CDH17: variants seen among roughly 807,000 people sequenced by gnomAD.
The protein encoded by CDH17 is cadherin-17.
A neutral mutation model predicts 86.3 loss-of-function variants in CDH17; 67 were observed. The observed-to-expected ratio is 0.78, with a 90% CI of 0.64 to 0.95. The LOEUF (loss-of-function observed/expected upper bound fraction) is 0.95, where lower values mean the gene tolerates loss of function less well. Among genes scored for constraint, CDH17 ranks in the 40% least tolerant of loss-of-function variants. The pLI, the probability that CDH17 is intolerant of heterozygous loss-of-function variation, is 0.00. For synonymous variants in CDH17, 367 were observed against 366.4 expected, an observed-to-expected ratio of 1.00 and a Z score of -0.02; for missense variants, 993 against 1,017.6, an observed-to-expected ratio of 0.98 and a Z score of 0.33.
chr8:94,155,189 C>T (rs947224083), intron 12 of CDH17, among the ~76,000 whole-genome samples: 4 of 152,040 alleles, frequency 2.6e-5, no homozygotes, highest in Admixed American at 6.6e-5. Context: ...GCCTGGCCCT[C>T]GTCGACCTCG....
In CDH17 at chr8:94,127,214, C is replaced by A. The variant is rs546278301; in HGVS notation, c.*1026G>T. 2 of 152,346 alleles carry A rather than the reference C, an allele frequency of 1.3e-5. No homozygotes were observed. Among genetic ancestry groups the A allele is most frequent in the South Asian group, 4.1e-4 (2 of 4,830 alleles). The allele number at this position is 152,346 out of a possible 1,614,324, so 9.4% of individuals were successfully genotyped here. A position where few individuals can be genotyped will look rare whatever the true frequency, so the allele number is the denominator to read the frequency against. On this transcript the variant is annotated 3_prime_UTR_variant, in exon 18 of 18. Coordinates refer to ENST00000027335, the MANE Select transcript of CDH17 (RefSeq NM_004063.4). ...TGTTTATTCTTGATTTGTCACCACTCTTTTCATGTCTTGTTTTCTTCCACA... is the reference window on the plus strand; with the variant it reads ...TGTTTATTCTTGATTTGTCACCACTATTTTCATGTCTTGTTTTCTTCCACA...
chr8:94,166,274 G>A (rs937832158), intron 9 of CDH17, among the ~76,000 whole-genome samples: 15 of 152,154 alleles, frequency 9.9e-5, no homozygotes, highest in African/African-American at 3.6e-4. Context: ...TTCTTCCGAG[G>A]CTTCTCCTGG....
Position 94,153,604 on chromosome 8 carries a change from C to T in CDH17, c.1552-1492G>A, listed in dbSNP as rs889806765. The stretch of plus-strand genomic sequence containing the variant: ...CAAGACATGGAATCAGCCTAAGTGT[C>T]GAACAACAAACAACTGGATAAACAA... On this transcript the variant is annotated intron_variant, in intron 12 of 17. Transcript: ENST00000027335. 2.6e-5 allele frequency among the ~76,000 whole-genome samples: 4 copies of T among 152,200 alleles called. No homozygotes were observed. In the East Asian group the frequency reaches 5.8e-4, roughly 22 times the overall value.
At chr8:94,144,486 T>C (rs1331584700) in intron 15 of CDH17, among the ~76,000 whole-genome samples, 2 of 152,026 alleles carry the variant, frequency 1.3e-5, no homozygotes, top group African/African-American at 2.4e-5. Context: ...TTGGGCACGA[T>C]AAAGCAAAGT....
chr8:94,169,701 G>A (rs1424799828), intron 9 of CDH17, among the ~76,000 whole-genome samples: 4 of 152,058 alleles, frequency 2.6e-5, no homozygotes, highest in Non-Finnish European at 5.9e-5. Context: ...CTGCCAAGGG[G>A]GAAACAGACA....
intron 7 of CDH17, among the ~76,000 whole-genome samples, chr8:94,172,665 G>A (rs1813291887): frequency 6.6e-6 from 1 of 152,170 alleles, no homozygotes; most frequent in Admixed American, 6.5e-5. Flanking sequence ...TTGTTCATCT[G>A]CTTCCAAATC....
chr8:94,210,933 A>C (rs1814112330), upstream of CDH17, among the ~76,000 whole-genome samples: 1 of 151,536 alleles, frequency 6.6e-6, no homozygotes, highest in Admixed American at 6.6e-5. Context: ...ACTCAGGAGA[A>C]TCATTTGAAC....
intron 2 of CDH17, among the ~76,000 whole-genome samples, chr8:94,192,575 T>C (rs1165028254): frequency 6.6e-6 from 1 of 152,096 alleles, no homozygotes; most frequent in African/African-American, 2.4e-5. Context: ...AAGCCCCAAC[T>C]CTTAACCACA....
At chr8:94,135,835 G>T (rs1812512753) in intron 15 of CDH17, among the ~76,000 whole-genome samples, 1 of 152,156 alleles carries the variant, frequency 6.6e-6, no homozygotes, top group African/African-American at 2.4e-5. Flanking sequence ...AAGAGCTCTT[G>T]TAAGGCAGGC....
At chr8:94,190,323 T>C (rs1180000379) in intron 2 of CDH17, among the ~76,000 whole-genome samples, 3 of 152,182 alleles carry the variant, frequency 2.0e-5, no homozygotes, top group Admixed American at 1.3e-4. Context: ...GAGGGAAAAC[T>C]GGCAGGCTGC....
At chr8:94,177,956 T>C (rs983671587) in intron 3 of CDH17, among the ~76,000 whole-genome samples, 3 of 152,232 alleles carry the variant, frequency 2.0e-5, no homozygotes, top group Non-Finnish European at 2.9e-5. Flanking sequence ...ACAAAAGTCA[T>C]TGATGCTTTA....
At chr8:94,152,228 TA>T (rs1812870284) in intron 12 of CDH17, 116 bp from the exon 13 acceptor site, 19 of 1,055,846 alleles carry the variant, frequency 1.8e-5, no homozygotes, top group Non-Finnish European at 2.4e-5. Flanking sequence ...AAAAACTGGA[TA>T]TCCACATGTG....
intron 15 of CDH17, among the ~76,000 whole-genome samples, chr8:94,134,101 C>T (rs200697620): frequency 6.6e-6 from 1 of 152,096 alleles, no homozygotes; most frequent in African/African-American, 2.4e-5. Flanking sequence ...ATCAAGGATA[C>T]TGGTCTAAAA....
intron 1 of CDH17, among the ~76,000 whole-genome samples, chr8:94,205,053 T>A (rs1813998361): frequency 6.6e-6 from 1 of 152,172 alleles, no homozygotes; most frequent in African/African-American, 2.4e-5. Context: ...AGTGTTCCAA[T>A]AATGGAACAC....
chr8:94,192,756 G>A (rs1359086245), intron 2 of CDH17, among the ~76,000 whole-genome samples: 2 of 152,102 alleles, frequency 1.3e-5, no homozygotes, highest in South Asian at 2.1e-4. Flanking sequence ...GGTTTCCTCC[G>A]ATTCCCTGTT....
intron 15 of CDH17, among the ~76,000 whole-genome samples, chr8:94,141,018 A>G (rs748149013): frequency 1.3e-5 from 2 of 152,162 alleles, no homozygotes; most frequent in Non-Finnish European, 2.9e-5. Context: ...CTCATTATAC[A>G]AGGCAAAATA....
At chr8:94,194,735 A>G in intron 1 of CDH17, 30 bp from the exon 2 acceptor site, 1 of 1,161,496 alleles carries the variant, frequency 8.6e-7, no homozygotes, top group Non-Finnish European at 1.3e-6. Flanking sequence ...AAAAATGGTT[A>G]GTTACCAGTC....
chr8:94,207,314 C>T (rs955682248), intron 1 of CDH17, among the ~76,000 whole-genome samples: 9 of 152,104 alleles, frequency 5.9e-5, no homozygotes, highest in South Asian at 2.1e-4. Flanking sequence ...TGGAACAGAG[C>T]GCTAACATTC....
intron 15 of CDH17, among the ~76,000 whole-genome samples, chr8:94,134,973 G>C (rs1812493239): frequency 6.6e-6 from 1 of 152,164 alleles, no homozygotes; most frequent in African/African-American, 2.4e-5. Context: ...GTGTGGTTTT[G>C]AGTGAGTTTT....
Sources: allele counts gnomAD v4.1 joint callset (sites outside exome capture counted in the v4.1 genomes callset), GRCh38; gene constraint gnomAD v4.1.1; transcripts MANE v1.5; gene names NCBI Gene and HGNC (gene_info 2026-07-23, HGNC 2026-07-21).